KIF2C: variants seen among roughly 807,000 people sequenced by gnomAD.
The protein encoded by KIF2C is kinesin family member 2C.
Under a neutral mutation model 97.4 loss-of-function variants are expected in KIF2C, and 34 were observed. The ratio of observed to expected loss-of-function variants is 0.35; its 90% CI spans 0.27 to 0.46. The LOEUF is 0.46. Among genes scored for constraint, KIF2C ranks in the 20% least tolerant of loss-of-function variants. KIF2C has a pLI of 1.00. For missense variants in KIF2C, 750 were observed against 907.6 expected (o/e 0.83, Z 2.23); for synonymous variants, 313 against 318.2 (o/e 0.98, Z 0.17).
intron 1 of KIF2C, 134 bp from the exon 2 acceptor site, chr1:44,740,779 G>GTT (rs11403922): frequency 0.032 from 8,007 of 249,252 alleles, 8 homozygotes; most frequent in South Asian, 0.071. Context: ...GTTTCTCTTA[G>GTT]TTTTTTTTTT....
intron 10 of KIF2C, among the ~76,000 whole-genome samples, chr1:44,757,178 A>G (rs1196146029): frequency 1.3e-5 from 2 of 152,112 alleles, no homozygotes; most frequent in Non-Finnish European, 2.9e-5. Context: ...CGGCCTCCCA[A>G]AGTGCTGGGA....
intron 1 of KIF2C, among the ~76,000 whole-genome samples, chr1:44,740,457 C>T (rs371593981): frequency 7.2e-5 from 11 of 152,090 alleles, no homozygotes; most frequent in African/African-American, 2.2e-4. Flanking sequence ...AAGCAGGTAC[C>T]GCAGTTCTGG....
Position 44,762,563 on chromosome 1 carries a change from G to T in KIF2C, c.1876G>T (p.Glu626Ter), listed in dbSNP as rs1804673. 1.2e-6 allele frequency: 2 copies of T among 1,613,904 alleles called. No individual in the cohort carries two copies. The highest frequency in any genetic ancestry group is 1.7e-6 in the Non-Finnish European group (2 of 1,179,778). Residue 626 changes from glutamate (E) to a stop codon, truncating the protein, a stop_gained, in exon 19 of 21, where the codon GAA becomes TAA. Coordinates refer to ENST00000372224, the MANE Select transcript of KIF2C (RefSeq NM_006845.4). LOFTEE classifies it high-confidence loss of function. ...IPGNLSKEEE[E>*]LSSQMSSFNE... is the part of the protein sequence containing the mutation. ...CTCTCAGTTATCCAAGGAAGAGGAG[G>T]AACTGTCTTCCCAGATGTCCAGCTT...
Position 44,739,973 on chromosome 1 carries a change from G to T in KIF2C, c.41G>T (p.Gly14Val), listed in dbSNP as rs766511596. ...TCGCTTCAGGCCCGCCTGTTTCCCG[G>T]TCTCGCTATCAAGATCCAACGCAGT... ...DSSLQARLFP[G>V]LAIKIQRSNG... Residue 14 changes from glycine (G) to valine (V), a missense_variant, in exon 1 of 21, where the codon GGT becomes GTT. Transcript: ENST00000372224. The T allele has an allele frequency of 6.2e-7, 1 of 1,614,086 alleles. No individual in the cohort carries two copies. The highest frequency in any genetic ancestry group is 1.3e-5 in the African/African-American group (1 of 74,934).
chr1:44,764,172 T>C (rs1650319841), intron 19 of KIF2C, among the ~76,000 whole-genome samples: 1 of 152,036 alleles, frequency 6.6e-6, no homozygotes, highest in Admixed American at 6.6e-5. Context: ...ATATGTACTC[T>C]CTCTCTATAT....
intron 2 of KIF2C, among the ~76,000 whole-genome samples, chr1:44,744,174 T>A (rs1381475771): frequency 2.6e-5 from 4 of 152,098 alleles, no homozygotes; most frequent in Non-Finnish European, 5.9e-5. Flanking sequence ...GTGAGCCGAT[T>A]TCGGCTCACT....
Position 44,762,528 on chromosome 1 carries a change from C to G in KIF2C, c.1858-17C>G, listed in dbSNP as rs1195960079. The stretch of plus-strand genomic sequence containing the variant: ...GCACCTGGGTCACATAATTGTCTTT[C>G]TTTTTGGCCCTCTCAGTTATCCAAG... On this transcript the variant is annotated splice_polypyrimidine_tract_variant and intron_variant, in intron 18 of 20. Transcript: ENST00000372224. The G allele has an allele frequency of 2.5e-6, 4 of 1,612,300 alleles. No homozygotes were observed. The highest frequency in any genetic ancestry group is 2.5e-6 in the Non-Finnish European group (3 of 1,178,302).
At chr1:44,755,535 A>G (rs1045496524) in intron 8 of KIF2C, among the ~76,000 whole-genome samples, 1 of 152,216 alleles carries the variant, frequency 6.6e-6, no homozygotes, top group African/African-American at 2.4e-5. Flanking sequence ...AAGTGCTGGG[A>G]TTACAGGCGT....
chr1:44,766,929 A>C lies in KIF2C; in HGVS notation c.2075A>C (p.Lys692Thr). 1 of 1,614,256 alleles carries C rather than the reference A, an allele frequency of 6.2e-7. No individual in the cohort carries two copies. Among genetic ancestry groups the C allele is most frequent in the Non-Finnish European group, 8.5e-7 (1 of 1,180,044 alleles). Reference sequence around the variant, plus strand: ...GAATCTGCTCTGGCCCAGCAAGCCAAGCATTTCTCAGCCCTGCGAGGTGGG... The same window carrying C: ...GAATCTGCTCTGGCCCAGCAAGCCACGCATTTCTCAGCCCTGCGAGGTGGG... ...KAESALAQQA[K>T]HFSALRDVIK... Residue 692 changes from lysine (K) to threonine (T), a missense_variant, in exon 20 of 21, where the codon AAG (lysine) becomes ACG (threonine). Coordinates refer to ENST00000372224, the MANE Select transcript of KIF2C (RefSeq NM_006845.4).
intron 19 of KIF2C, among the ~76,000 whole-genome samples, chr1:44,766,424 C>T (rs1305805653): frequency 1.3e-5 from 2 of 151,890 alleles, no homozygotes; most frequent in Non-Finnish European, 2.9e-5. Context: ...TCAGCCTGGC[C>T]AACATGGAGA....
intron 2 of KIF2C, among the ~76,000 whole-genome samples, chr1:44,744,052 G>A (rs1649057956): frequency 6.6e-6 from 1 of 151,222 alleles, no homozygotes; most frequent in Admixed American, 6.6e-5. Flanking sequence ...TTCTTAGTGG[G>A]GCATTCAGAG....
chr1:44,762,682 G>A (rs761300189), intron 19 of KIF2C, 24 bp downstream of exon 19: 2 of 1,516,882 alleles, frequency 1.3e-6, no homozygotes, highest in East Asian at 2.3e-5. Context: ...CCTGGACAGG[G>A]AGCTGGATGC....
At chr1:44,740,730 C>A (rs181080644) in intron 1 of KIF2C, among the ~76,000 whole-genome samples, 183 bp from the exon 2 acceptor site, 74 of 151,238 alleles carry the variant, frequency 4.9e-4, no homozygotes, top group African/African-American at 1.6e-3. Context: ...GCCCACCTCA[C>A]TGTGGATATT....
intron 2 of KIF2C, among the ~76,000 whole-genome samples, chr1:44,741,532 A>G (rs1490159420): frequency 6.6e-6 from 1 of 151,990 alleles, no homozygotes; most frequent in East Asian, 1.9e-4. Context: ...AAAAAAATTA[A>G]AAATTATCAG....
chr1:44,765,789 C>T (rs573621138), intron 19 of KIF2C, among the ~76,000 whole-genome samples: 46 of 152,242 alleles, frequency 3.0e-4, no homozygotes, highest in Middle Eastern at 3.4e-3. Flanking sequence ...TGATGGCTCA[C>T]GCCTGTAATC....
chr1:44,766,570 C>T (rs982761474), intron 19 of KIF2C, among the ~76,000 whole-genome samples: 1 of 152,116 alleles, frequency 6.6e-6, no homozygotes, highest in East Asian at 1.9e-4. Context: ...GAGATCACGC[C>T]ATTGCACTCC....
chr1:44,757,030 G>T (rs1649878675), intron 10 of KIF2C, among the ~76,000 whole-genome samples: 1 of 152,006 alleles, frequency 6.6e-6, no homozygotes, highest in Admixed American at 6.6e-5. Context: ...CAATTCTCCT[G>T]CCCCAGCCTC....
In KIF2C at chr1:44,739,958, C is replaced by T. The variant is rs745395606; in HGVS notation, c.26C>T (p.Ala9Val). 14 of 1,614,106 alleles carry T rather than the reference C, an allele frequency of 8.7e-6. No individual in the cohort carries two copies. The highest frequency in any genetic ancestry group is 1.2e-5 in the Non-Finnish European group (14 of 1,180,044). Residue 9 changes from alanine (A) to valine (V), a missense_variant, in exon 1 of 21, where the codon GCC (alanine) becomes GTC (valine). Coordinates refer to ENST00000372224, the MANE Select transcript of KIF2C (RefSeq NM_006845.4). Reference sequence around the variant, plus strand: ...ATGGCCATGGACTCGTCGCTTCAGGCCCGCCTGTTTCCCGGTCTCGCTATC... The same window carrying T: ...ATGGCCATGGACTCGTCGCTTCAGGTCCGCCTGTTTCCCGGTCTCGCTATC... MAMDSSLQ[A>V]RLFPGLAIKI...
At chr1:44,747,740 G>T (rs777899913) in intron 4 of KIF2C, 40 bp downstream of exon 4, 4 of 1,581,604 alleles carry the variant, frequency 2.5e-6, no homozygotes, top group Non-Finnish European at 3.5e-6. Context: ...TGGAATTTGT[G>T]TCAGGAATTA....
Sources: gnomAD v4.1 joint callset for allele counts (sites outside exome capture counted in the v4.1 genomes callset) on GRCh38, gnomAD v4.1.1 for gene constraint, MANE v1.5 for transcripts, NCBI Gene and HGNC (gene_info 2026-07-23, HGNC 2026-07-21) for gene names.